The following PLTP variants were observed in gnomAD, a reference collection of about 807,000 sequenced individuals.
The protein encoded by PLTP is BPI fold containing family E.
A neutral mutation model predicts 54.1 loss-of-function variants in PLTP; 43 were observed. The observed-to-expected ratio is 0.79, with a 90% CI of 0.62 to 1.02. The LOEUF (loss-of-function observed/expected upper bound fraction) is 1.02. Ranked by LOEUF, PLTP falls within the 50% of genes least tolerant of loss-of-function variation. PLTP has a pLI of 0.00. For missense variants in PLTP, 604 were observed against 645.9 expected (o/e 0.94, Z 0.70); for synonymous variants, 263 against 264.6 (o/e 0.99, Z 0.06).
chr20:45,904,185 T>C (rs2083214593), intron 10 of PLTP, among the ~76,000 whole-genome samples: 1 of 152,212 alleles, frequency 6.6e-6, no homozygotes, highest in Non-Finnish European at 1.5e-5. Flanking sequence ...GTAATTCTGC[T>C]AGGTGCGGTG....
chr20:45,910,253 G>A (rs1335109009), intron 3 of PLTP, among the ~76,000 whole-genome samples, 183 bp from the exon 4 acceptor site: 1 of 152,152 alleles, frequency 6.6e-6, no homozygotes, highest in Non-Finnish European at 1.5e-5. Flanking sequence ...AACTTGGGTG[G>A]CTGAGAGAGG....
chr20:45,911,280 C>T, intron 2 of PLTP, 29 bp from the exon 3 acceptor site: 1 of 1,613,692 alleles, frequency 6.2e-7, no homozygotes, highest in Non-Finnish European at 8.5e-7. Flanking sequence ...CCTTACTTAG[C>T]TCCCGTGCCC....
At chr20:45,902,176 A>T in intron 12 of PLTP, 91 bp downstream of exon 12, 2 of 1,350,806 alleles carry the variant, frequency 1.5e-6, no homozygotes, top group Non-Finnish European at 2.1e-6. Context: ...TCAGTGGCTT[A>T]CAGGTATCAC....
chr20:45,907,332 CAAAAA>C (rs201245712), intron 7 of PLTP, among the ~76,000 whole-genome samples: 1 of 99,590 alleles, frequency 1.0e-5, no homozygotes. Flanking sequence ...AGACTCCGTG[CAAAAA>C]AAAAAAAAAA....
rs5841613 is a variant in PLTP at position 45,901,899 on chromosome 20, C to CAA, written c.1175+366_1175+367dup. Among the ~76,000 whole-genome samples the CAA allele has an allele frequency of 8.0e-4, 103 of 127,978 alleles. 1 individual carries two copies. The highest frequency in any genetic ancestry group is 2.8e-3 in the African/African-American group (96 of 34,146). The allele number at this position is 127,978 out of a possible 152,430, so 84.0% of individuals were successfully genotyped here. On this transcript the variant is annotated intron_variant, in intron 12 of 15. Transcript: ENST00000372431. ...GGGCAACAAGAGCGAAACTCCTTCT[C>CAA]AAAAAAAAAAAAAAAAGAATAATAA...
intron 12 of PLTP, among the ~76,000 whole-genome samples, chr20:45,901,583 G>T (rs888407954): frequency 6.6e-6 from 1 of 151,890 alleles, no homozygotes; most frequent in Non-Finnish European, 1.5e-5. Flanking sequence ...AACAGAGTGA[G>T]ACTCTGTCTC....
intron 12 of PLTP, among the ~76,000 whole-genome samples, chr20:45,902,054 G>A (rs2083189946): frequency 6.6e-6 from 1 of 152,174 alleles, no homozygotes. Flanking sequence ...GGACCCATTT[G>A]TTCATCTCTC....
intron 10 of PLTP, among the ~76,000 whole-genome samples, chr20:45,902,881 T>C (rs984327866): frequency 6.6e-6 from 1 of 152,214 alleles, no homozygotes; most frequent in Non-Finnish European, 1.5e-5. Context: ...GGATGTCCTT[T>C]TTGCATTAGT....
rs757374419 is a variant in PLTP at position 45,902,482 on chromosome 20, G to A, written c.1065C>T (p.Val355=). The change falls in exon 11 of 16, where the codon GTC becomes GTT. Residue 355 remains valine (V), a synonymous_variant. Transcript: ENST00000372431. ...GCTGGACCTCAGGCTGGTCTGGTGG[G>A]ACCAGGGCAATGGTGACGCTAGCAG... The part of the protein sequence containing the change: ...SVTASVTIAL[V]PPDQPEVQLS... 8.1e-6 allele frequency: 13 copies of A among 1,614,138 alleles called. No individual in the cohort carries two copies. The East Asian group carries it at 2.9e-4, about 36-fold the overall frequency.
intron 5 of PLTP, 62 bp from the exon 6 acceptor site, chr20:45,907,966 G>A: frequency 1.4e-6 from 2 of 1,413,322 alleles, no homozygotes; most frequent in Middle Eastern, 2.1e-4. Flanking sequence ...CCAGGTCCAG[G>A]AGAAATCAGT....
rs192718453 is a variant in PLTP at position 45,907,249 on chromosome 20, C to T, written c.613+443G>A. On this transcript the variant is annotated intron_variant, in intron 7 of 15. Coordinates refer to ENST00000372431, the MANE Select transcript of PLTP (RefSeq NM_006227.4). ...TGCTGAGGCAGGAGAATTGCTTGAA[C>T]CCGGGAGGTGGAGATTGCAGTGAGC... Among the ~76,000 whole-genome samples, 801 of 151,530 alleles carry T rather than the reference C, an allele frequency of 5.3e-3. 9 individuals carry two copies. The highest frequency in any genetic ancestry group is 0.019 in the African/African-American group (764 of 41,260).
intron 1 of PLTP, chr20:45,911,715 G>A (rs928938653): frequency 3.2e-5 from 18 of 567,750 alleles, no homozygotes; most frequent in African/African-American, 5.6e-5. Context: ...TCGTGCTACC[G>A]CCGCGTGATG....
At chr20:45,909,860 C>A (rs1390993040) in intron 4 of PLTP, 82 bp downstream of exon 4, 23 of 1,561,398 alleles carry the variant, frequency 1.5e-5, no homozygotes, top group Non-Finnish European at 2.0e-5. Context: ...CTCAGGAAGG[C>A]TAAGGGGGCT....
intron 12 of PLTP, 47 bp from the exon 13 acceptor site, chr20:45,899,925 C>G (rs1424706552): frequency 6.5e-7 from 1 of 1,527,566 alleles, no homozygotes; most frequent in East Asian, 2.5e-5. Flanking sequence ...TGGAAGCTCC[C>G]CTTCCTCAGG....
chr20:45,900,196 C>G (rs2083170144), intron 12 of PLTP, among the ~76,000 whole-genome samples: 1 of 150,244 alleles, frequency 6.7e-6, no homozygotes, highest in South Asian at 2.1e-4. Flanking sequence ...GCTCCGTCTC[C>G]CGGGTTCACG....
rs144710772 is a variant in PLTP at position 45,902,327 on chromosome 20, C to T, written c.1115G>A (p.Arg372His). The part of the protein sequence containing the change: ...VQLSSMTMDA[R>H]LSAKMALRGK... ...CCGGAGAGCCATCTTGGCGCTGAGA[C>T]GGGCGTCCTGCAGGAACATGGGGAG... The change falls in exon 12 of 16, where the codon CGT becomes CAT. Residue 372 changes from arginine to histidine, a missense_variant. By Grantham distance (29) the Arg-to-His change is conservative (BLOSUM62 0). Transcript: ENST00000372431. 4.9e-4 allele frequency: 799 copies of T among 1,614,176 alleles called. 2 individuals carry two copies. The highest frequency in any genetic ancestry group is 6.2e-4 in the Non-Finnish European group (734 of 1,180,038).
chr20:45,899,984 C>A, intron 12 of PLTP, 106 bp from the exon 13 acceptor site: 1 of 928,672 alleles, frequency 1.1e-6, no homozygotes, highest in Non-Finnish European at 1.7e-6. Context: ...GCTCAGATGC[C>A]CACCTAGGCA....
intron 8 of PLTP, 41 bp downstream of exon 8, chr20:45,906,224 CTTG>C: frequency 7.4e-7 from 1 of 1,346,864 alleles, no homozygotes. Context: ...AGAAAGAGGT[CTTG>C]TTAGGAAGTC....
In PLTP at chr20:45,905,094, T is replaced by A. The variant is rs369640413; in HGVS notation, c.730A>T (p.Arg244Trp). The A allele has an allele frequency of 6.2e-7, 1 of 1,614,014 alleles. No homozygotes were observed. The highest frequency in any genetic ancestry group is 1.3e-5 in the African/African-American group (1 of 74,940). Residue 244 changes from arginine (R) to tryptophan (W), a missense_variant, in exon 9 of 16, where the codon AGG becomes TGG. By Grantham distance (101) the Arg-to-Trp change is moderately radical. Coordinates refer to ENST00000372431, the MANE Select transcript of PLTP (RefSeq NM_006227.4). ...GCCCGGTTGGGGAGGCTCCAGTTCC[T>A]CTCAGTCAGGGGGAAGAAGGCCCCC... ...FRGAFFPLTE[R>W]NWSLPNRAVE...
Sources: allele counts gnomAD v4.1 joint callset (sites outside exome capture counted in the v4.1 genomes callset), GRCh38; gene constraint gnomAD v4.1.1; transcripts MANE v1.5; gene names NCBI Gene and HGNC (gene_info 2026-07-23, HGNC 2026-07-21).